Variants in SLC37A1 observed in about 807,000 individuals in gnomAD.
The protein encoded by SLC37A1 is solute carrier family 37 member 1, also known as glucose-6-phosphate exchanger SLC37A1.
A neutral mutation model predicts 75.3 loss-of-function variants in SLC37A1; 49 were observed. The observed-to-expected ratio is 0.65, with a 90% CI of 0.52 to 0.83. The LOEUF is 0.83. Among genes scored for constraint, SLC37A1 ranks in the 40% least tolerant of loss-of-function variants. The pLI is 0.00. For synonymous variants in SLC37A1, 268 were observed against 292.1 expected, an observed-to-expected ratio of 0.92 and a Z score of 0.84; for missense variants, 566 against 695.0, an observed-to-expected ratio of 0.81 and a Z score of 2.09.
rs150717108 is a variant in SLC37A1 at position 42,554,092 on chromosome 21, A to G, written c.799A>G (p.Arg267Gly). ...HSKGYENGTN[R>G]LRLQKQILKS... ...AAAAGGCTATGAGAATGGTACAAACAGATTGAGACTCCAGAAGCAAATCTT... is the reference window on the plus strand; with the variant it reads ...AAAAGGCTATGAGAATGGTACAAACGGATTGAGACTCCAGAAGCAAATCTT... Residue 267 changes from arginine to glycine, a missense_variant, in exon 10 of 20, where the codon AGA becomes GGA. Physicochemically the swap from Arg to Gly is moderately radical, Grantham distance 125. Transcript: ENST00000352133. 8 of 1,613,718 alleles carry G rather than the reference A, an allele frequency of 5.0e-6. No homozygotes were observed. Among genetic ancestry groups the G allele is most frequent in the Middle Eastern group, 1.6e-4 (1 of 6,082 alleles).
intron 2 of SLC37A1, among the ~76,000 whole-genome samples, chr21:42,524,827 C>A (rs1050678249): frequency 5.3e-5 from 8 of 152,202 alleles, no homozygotes; most frequent in South Asian, 2.1e-4. Flanking sequence ...CTCCTACAAC[C>A]TTTAGTGCTG....
intron 10 of SLC37A1, among the ~76,000 whole-genome samples, chr21:42,557,134 C>T (rs1569025027): frequency 6.6e-6 from 1 of 152,216 alleles, no homozygotes; most frequent in Non-Finnish European, 1.5e-5. Context: ...TCAGAGGGTG[C>T]GCTTCTCCTG....
chr21:42,526,133 G>A, intron 3 of SLC37A1: 2 of 347,274 alleles, frequency 5.8e-6, no homozygotes, highest in Non-Finnish European at 5.3e-6. Context: ...ATTTTATCTT[G>A]TGTGACTGTT....
At chr21:42,513,252 C>A (rs1407654403), upstream of SLC37A1, among the ~76,000 whole-genome samples, 1 of 152,056 alleles carries the variant, frequency 6.6e-6, no homozygotes, top group Non-Finnish European at 1.5e-5. Context: ...GGCACTGGCC[C>A]GCAAGGGTAA....
chr21:42,556,677 C>A (rs1010445704), intron 10 of SLC37A1, among the ~76,000 whole-genome samples: 3 of 152,194 alleles, frequency 2.0e-5, no homozygotes, highest in African/African-American at 7.2e-5. Flanking sequence ...GGGACACAGA[C>A]TGGAAACTGC....
rs569150632 is a variant in SLC37A1 at position 42,545,831 on chromosome 21, G to A, written c.731-1272G>A. Reference sequence around the variant, plus strand: ...CCATGTGTCCTTGGTCAGTGGCCTCGCCCTATGGGCTGTGCCCAGGACAGG... The same window carrying A: ...CCATGTGTCCTTGGTCAGTGGCCTCACCCTATGGGCTGTGCCCAGGACAGG... On this transcript the variant is annotated intron_variant, in intron 8 of 19. Coordinates refer to ENST00000352133, the MANE Select transcript of SLC37A1 (RefSeq NM_001320537.2). The surrounding 1 kb of genome is among the most constrained non-coding windows in gnomAD (Gnocchi z 4.0). Among the ~76,000 whole-genome samples, 235 of 152,384 alleles carry A rather than the reference G, an allele frequency of 1.5e-3. No individual in the cohort carries two copies. Among genetic ancestry groups the A allele is most frequent in the African/African-American group, 5.5e-3 (227 of 41,594 alleles).
At chr21:42,506,257 G>T (rs1314063203) in intron 2 of SLC37A1, among the ~76,000 whole-genome samples, 1 of 152,198 alleles carries the variant, frequency 6.6e-6, no homozygotes, top group Non-Finnish European at 1.5e-5. Context: ...TTAACTTTGT[G>T]TCAAATAATC....
chr21:42,530,655 C>CA (rs1491531929), intron 3 of SLC37A1, among the ~76,000 whole-genome samples: 2,544 of 25,796 alleles, frequency 0.099, 154 homozygotes, highest in African/African-American at 0.17. Flanking sequence ...CACACACACA[C>CA]CCCCTCTGTG....
chr21:42,540,012 G>A (rs1005821194), intron 6 of SLC37A1, among the ~76,000 whole-genome samples: 1 of 152,212 alleles, frequency 6.6e-6, no homozygotes, highest in African/African-American at 2.4e-5. Flanking sequence ...TCCTCCAGCT[G>A]AAGCCCCAGC....
intron 8 of SLC37A1, 100 bp downstream of exon 8, chr21:42,543,702 C>T: frequency 1.6e-6 from 2 of 1,262,396 alleles, no homozygotes; most frequent in Non-Finnish European, 1.1e-6. Flanking sequence ...CGTGGCCTAG[C>T]GCCCTGTTTG....
chr21:42,543,659 C>T, intron 8 of SLC37A1, 57 bp downstream of exon 8: 2 of 1,514,568 alleles, frequency 1.3e-6, no homozygotes, highest in Non-Finnish European at 8.9e-7. Context: ...ATTTCCCTGC[C>T]TGGGTGGGCC....
At position 42,559,613 on chromosome 21, in the gene SLC37A1, C is replaced by T. The variant is rs541725500; in HGVS notation, c.981+524C>T. Among the ~76,000 whole-genome samples the T allele has an allele frequency of 5.3e-5, 8 of 152,376 alleles. No homozygotes were observed. In the South Asian group the frequency reaches 1.2e-3, roughly 24 times the overall value. On this transcript the variant is annotated intron_variant, in intron 11 of 19. Transcript: ENST00000352133. ...CCTTTAGGCTGGGCGCAGTGGCTCACGCCTATAATCCCAGCACTTTGGGAG... is the reference window on the plus strand; with the variant it reads ...CCTTTAGGCTGGGCGCAGTGGCTCATGCCTATAATCCCAGCACTTTGGGAG...
chr21:42,516,796 A>G (rs1013148218), intron 1 of SLC37A1, among the ~76,000 whole-genome samples: 3 of 152,200 alleles, frequency 2.0e-5, no homozygotes, highest in Non-Finnish European at 4.4e-5. Flanking sequence ...CACGCTGGAC[A>G]TGGAGAAGCA....
In SLC37A1 at chr21:42,568,982, C is replaced by T. The variant is rs1029138998; in HGVS notation, c.1423+544C>T. ...CGGCACGGCTGTGGCCTTCCCTGAGCCCTTGTATGGGGAGCACGCACAGTG... is the reference window on the plus strand; with the variant it reads ...CGGCACGGCTGTGGCCTTCCCTGAGTCCTTGTATGGGGAGCACGCACAGTG... On this transcript the variant is annotated intron_variant, in intron 17 of 19. Coordinates refer to ENST00000352133, the MANE Select transcript of SLC37A1 (RefSeq NM_001320537.2). Among the ~76,000 whole-genome samples the T allele has an allele frequency of 3.3e-5, 5 of 152,354 alleles. No individual in the cohort carries two copies. In the East Asian group the frequency reaches 9.6e-4, roughly 29 times the overall value.
At chr21:42,571,183 A>T (rs2056154979) in intron 17 of SLC37A1, among the ~76,000 whole-genome samples, 1 of 152,140 alleles carries the variant, frequency 6.6e-6, no homozygotes, top group Admixed American at 6.5e-5. Flanking sequence ...TGGGAAGGCC[A>T]CCATGTCAGC....
chr21:42,516,077 A>C lies in SLC37A1; in HGVS notation c.-179+1360A>C, dbSNP rs545195981. Reference sequence around the variant, plus strand: ...CCTGGCCTAAGTTGCTGTGTTTGACAGTGCAATGAAACTGGACATTCTGCC... The same window carrying C: ...CCTGGCCTAAGTTGCTGTGTTTGACCGTGCAATGAAACTGGACATTCTGCC... On this transcript the variant is annotated intron_variant, in intron 1 of 19. Coordinates refer to ENST00000352133, the MANE Select transcript of SLC37A1 (RefSeq NM_001320537.2). Among the ~76,000 whole-genome samples, 10 of 152,346 alleles carry C rather than the reference A, an allele frequency of 6.6e-5. No homozygotes were observed. In the East Asian group the frequency reaches 1.7e-3, roughly 26 times the overall value.
intron 12 of SLC37A1, among the ~76,000 whole-genome samples, chr21:42,563,027 G>A (rs2055873341): frequency 6.6e-6 from 1 of 152,130 alleles, no homozygotes; most frequent in African/African-American, 2.4e-5. Context: ...GGAAGTTGAG[G>A]AGGCGGTCTG....
intron 2 of SLC37A1, among the ~76,000 whole-genome samples, chr21:42,524,370 TTTC>T (rs1322118012): frequency 2.6e-5 from 4 of 152,238 alleles, no homozygotes; most frequent in Admixed American, 6.5e-5. Flanking sequence ...GGCACCTTCT[TTTC>T]TTCTTTCTTC....
intron 3 of SLC37A1, among the ~76,000 whole-genome samples, chr21:42,527,127 G>A (rs1294896105): frequency 1.3e-5 from 2 of 152,186 alleles, no homozygotes; most frequent in African/African-American, 2.4e-5. Context: ...GGTGTGGATT[G>A]TAGGGGAAGA....
Sources: gnomAD v4.1 joint callset for allele counts (sites outside exome capture counted in the v4.1 genomes callset) on GRCh38, gnomAD v4.1.1 for gene constraint, Gnocchi (gnomAD v3.1) non-coding constraint, MANE v1.5 for transcripts, NCBI Gene and HGNC (gene_info 2026-07-23, HGNC 2026-07-21) for gene names.